The following PSTPIP2 variants were observed in gnomAD, a reference collection of about 807,000 sequenced individuals.
PSTPIP2 encodes the protein proline-serine-threonine phosphatase-interacting protein 2.
A neutral mutation model predicts 63.3 loss-of-function variants in PSTPIP2; 33 were observed. That is an observed-to-expected ratio of 0.52 (90% CI 0.40 to 0.70). PSTPIP2 has a LOEUF of 0.70. Ranked by LOEUF, PSTPIP2 falls within the 30% of genes least tolerant of loss-of-function variation. The pLI is 0.00. For synonymous variants in PSTPIP2, 125 were observed against 132.7 expected (o/e 0.94, Z 0.40); for missense variants, 312 against 400.7 (o/e 0.78, Z 1.89).
intron 5 of PSTPIP2, among the ~76,000 whole-genome samples, chr18:46,006,786 A>G (rs2144077391): frequency 6.6e-6 from 1 of 152,334 alleles, no homozygotes; most frequent in East Asian, 1.9e-4. Context: ...GGTGTTAATA[A>G]TAAAGATGTA....
At chr18:46,041,380 G>A (rs1391587857) in intron 1 of PSTPIP2, among the ~76,000 whole-genome samples, 1 of 152,062 alleles carries the variant, frequency 6.6e-6, no homozygotes, top group Non-Finnish European at 1.5e-5. Context: ...CTGAGTAGCT[G>A]GGACTACAGG....
chr18:46,026,195 G>A (rs1394125613), intron 2 of PSTPIP2, among the ~76,000 whole-genome samples: 1 of 152,212 alleles, frequency 6.6e-6, no homozygotes, highest in East Asian at 1.9e-4. Context: ...AAGTGTACAG[G>A]AGCTCCCATT....
At chr18:46,043,159 G>A (rs186655927) in intron 1 of PSTPIP2, among the ~76,000 whole-genome samples, 13 of 150,468 alleles carry the variant, frequency 8.6e-5, no homozygotes, top group Non-Finnish European at 1.5e-4. Flanking sequence ...GCCGAGGCGG[G>A]AGGATCGCTT....
intron 9 of PSTPIP2, 48 bp downstream of exon 9, chr18:45,997,701 A>ACCCACCCCCC: frequency 3.0e-6 from 1 of 332,626 alleles, no homozygotes. Context: ...TGTTACACAC[A>ACCCACCCCCC]CCCCCACCCA....
chr18:46,072,061 CGCCGGA>C, intron 1 of PSTPIP2, 89 bp downstream of exon 1: 2 of 1,415,734 alleles, frequency 1.4e-6, no homozygotes, highest in Non-Finnish European at 9.3e-7. Context: ...CACCGAGTGG[CGCCGGA>C]GCTGGGGAGC....
In PSTPIP2 at chr18:46,005,596, T is replaced by C. The variant is rs1186286604; in HGVS notation, c.355-65A>G. 8 of 1,195,074 alleles carry C rather than the reference T, an allele frequency of 6.7e-6. No individual in the cohort carries two copies. The Admixed American group carries it at 1.2e-4, about 18-fold the overall frequency. The allele number at this position is 1,195,074 out of a possible 1,614,324, so 74.0% of individuals were successfully genotyped here. A position where few individuals can be genotyped will look rare whatever the true frequency, so the allele number is the denominator to read the frequency against. ...TCATTATTAATAAAAACAGAAATCA[T>C]TATCAATACCAGCTTATCTTGAGGG... On this transcript the variant is annotated intron_variant, in intron 5 of 14. Transcript: ENST00000409746.
In PSTPIP2 at chr18:45,985,330, A is replaced by G; in HGVS notation, c.*129T>C. On this transcript the variant is annotated 3_prime_UTR_variant, in exon 15 of 15. Coordinates refer to ENST00000409746, the MANE Select transcript of PSTPIP2 (RefSeq NM_024430.4). ...GTCTACCATAAATTTTAAATCTCTA[A>G]AAAATTATAGCAAGGGTTCACTTCA... is the stretch of plus-strand genomic sequence containing the variant. 7.4e-7 allele frequency: 1 copy of G among 1,342,984 alleles called. No homozygotes were observed. Among genetic ancestry groups the G allele is most frequent in the Non-Finnish European group, 1.0e-6 (1 of 968,710 alleles). 83.2% of individuals were successfully genotyped at this position (1,342,984 alleles called of 1,614,324 possible).
chr18:46,011,987 A>G (rs182082037), intron 4 of PSTPIP2, among the ~76,000 whole-genome samples: 85 of 152,352 alleles, frequency 5.6e-4, no homozygotes, highest in Middle Eastern at 3.4e-3. Flanking sequence ...GACAAACTGG[A>G]AACATATTTG....
intron 1 of PSTPIP2, 104 bp from the exon 2 acceptor site, chr18:46,040,151 C>A: frequency 2.1e-6 from 2 of 931,134 alleles, no homozygotes; most frequent in South Asian, 1.6e-5. Flanking sequence ...CGGAACGTTG[C>A]TGACTCACTT....
chr18:45,999,306 C>T (rs2051638764), intron 7 of PSTPIP2, 130 bp downstream of exon 7: 1 of 842,652 alleles, frequency 1.2e-6, no homozygotes, highest in Admixed American at 2.5e-5. Flanking sequence ...TTCAGAAGAC[C>T]CCCAATACAT....
intron 1 of PSTPIP2, among the ~76,000 whole-genome samples, chr18:46,057,485 G>A (rs972449561): frequency 1.3e-5 from 2 of 151,532 alleles, no homozygotes; most frequent in African/African-American, 2.4e-5. Context: ...GCGCCACCAC[G>A]CCTGTCTAAT....
intron 12 of PSTPIP2, among the ~76,000 whole-genome samples, 189 bp downstream of exon 12, chr18:45,991,713 C>A (rs2051534944): frequency 6.6e-6 from 1 of 152,254 alleles, no homozygotes; most frequent in East Asian, 1.9e-4. Flanking sequence ...ATGATATACT[C>A]CTCCCTGAAC....
chr18:46,042,068 T>G (rs946410387), intron 1 of PSTPIP2, among the ~76,000 whole-genome samples: 1 of 152,160 alleles, frequency 6.6e-6, no homozygotes, highest in African/African-American at 2.4e-5. Context: ...GATTTCAACT[T>G]GGCACCCTAA....
At chr18:46,040,118 C>T in intron 1 of PSTPIP2, 71 bp from the exon 2 acceptor site, 1 of 1,285,736 alleles carries the variant, frequency 7.8e-7, no homozygotes, top group Non-Finnish European at 1.1e-6. Context: ...GAAGATAAGA[C>T]AAAAGAGGTG....
At chr18:46,032,979 G>A (rs924684630) in intron 2 of PSTPIP2, among the ~76,000 whole-genome samples, 4 of 152,186 alleles carry the variant, frequency 2.6e-5, no homozygotes, top group African/African-American at 9.7e-5. Flanking sequence ...CAATTTTACT[G>A]TATATGCCAT....
At chr18:46,022,445 T>G (rs1263745388) in intron 3 of PSTPIP2, among the ~76,000 whole-genome samples, 1 of 152,144 alleles carries the variant, frequency 6.6e-6, no homozygotes, top group Admixed American at 6.5e-5. Context: ...CAGGAAAGTA[T>G]GTTATGTGGT....
intron 1 of PSTPIP2, among the ~76,000 whole-genome samples, chr18:46,054,300 G>A (rs1362667311): frequency 6.6e-6 from 1 of 152,100 alleles, no homozygotes; most frequent in Non-Finnish European, 1.5e-5. Context: ...TTCTAGAAAA[G>A]GCAAAACTAT....
chr18:45,999,324 G>T, intron 7 of PSTPIP2, 112 bp downstream of exon 7: 1 of 988,896 alleles, frequency 1.0e-6, no homozygotes, highest in Non-Finnish European at 1.5e-6. Flanking sequence ...CATGAAGGAA[G>T]ATATTTCCAG....
intron 2 of PSTPIP2, among the ~76,000 whole-genome samples, chr18:46,035,098 G>A (rs993638710): frequency 6.6e-5 from 10 of 152,064 alleles, no homozygotes; most frequent in African/African-American, 2.4e-4. Flanking sequence ...AAAGACTTCA[G>A]ACTAAAGTCC....
Sources: allele counts gnomAD v4.1 joint callset (sites outside exome capture counted in the v4.1 genomes callset), GRCh38; gene constraint gnomAD v4.1.1; transcripts MANE v1.5; gene names NCBI Gene and HGNC (gene_info 2026-07-23, HGNC 2026-07-21).